Variants in LRRFIP1 observed in about 807,000 individuals in gnomAD.
LRRFIP1 encodes LRR binding FLII interacting protein 1.
Under a neutral mutation model 104.4 loss-of-function variants are expected in LRRFIP1, and 62 were observed. That is an observed-to-expected ratio of 0.59 (90% confidence interval 0.48 to 0.73). The LOEUF is 0.73. Ranked by LOEUF, LRRFIP1 falls within the 30% of genes least tolerant of loss-of-function variation. The pLI, the probability that LRRFIP1 is intolerant of heterozygous loss-of-function variation, is 0.00. For missense variants in LRRFIP1, 796 were observed against 824.5 expected, an observed-to-expected ratio of 0.97 and a Z score of 0.42; for synonymous variants, 300 against 299.0, an observed-to-expected ratio of 1.00 and a Z score of -0.03.
chr2:237,728,846 C>A (rs2094881992), intron 8 of LRRFIP1, among the ~76,000 whole-genome samples: 1 of 152,166 alleles, frequency 6.6e-6, no homozygotes, highest in Non-Finnish European at 1.5e-5. Context: ...CCAAAGCCGT[C>A]TTTAGCTTTC....
intron 11 of LRRFIP1, among the ~76,000 whole-genome samples, chr2:237,742,757 C>T (rs1014371472): frequency 1.3e-5 from 2 of 152,168 alleles, no homozygotes; most frequent in Non-Finnish European, 2.9e-5. Flanking sequence ...TAGGACTCCC[C>T]GGTCCTTCTG....
chr2:237,663,635 C>T (rs1236716981), intron 1 of LRRFIP1, among the ~76,000 whole-genome samples: 1 of 152,238 alleles, frequency 6.6e-6, no homozygotes, highest in East Asian at 1.9e-4. Context: ...AACAGCTCAG[C>T]CTTAATGGAC....
chr2:237,769,829 A>G, intron 19 of LRRFIP1, 114 bp from the exon 20 acceptor site: 1 of 800,690 alleles, frequency 1.2e-6, no homozygotes, highest in Non-Finnish European at 2.1e-6. Context: ...GTACGTGTAT[A>G]ACTACTTCCA....
In LRRFIP1 at chr2:237,629,028, C is replaced by T. The variant is rs140340547; in HGVS notation, c.96+1288C>T. Among the ~76,000 whole-genome samples, 385 of 152,306 alleles carry T rather than the reference C, an allele frequency of 2.5e-3. 1 individual carries two copies. Among genetic ancestry groups the T allele is most frequent in the African/African-American group, 8.6e-3 (359 of 41,572 alleles). ...CCAGGCCTAAGTCTCCCTGGCTCCA[C>T]GGCCCTCCATGGCATGCCCGCGCCT... On this transcript the variant is annotated intron_variant, in intron 1 of 23. Transcript: ENST00000308482.
intron 1 of LRRFIP1, among the ~76,000 whole-genome samples, chr2:237,628,045 C>A (rs990220941): frequency 2.0e-5 from 3 of 151,810 alleles, no homozygotes. Context: ...AGGAGCCGGG[C>A]GCCGCCAGCG....
intron 23 of LRRFIP1, among the ~76,000 whole-genome samples, chr2:237,777,985 A>G (rs139207859): frequency 1.3e-5 from 2 of 152,186 alleles, no homozygotes; most frequent in East Asian, 3.9e-4. Context: ...TTCTTGCTGC[A>G]TGTTCATGTA....
chr2:237,674,994 G>A lies in LRRFIP1; in HGVS notation c.97-33550G>A, dbSNP rs542498800. Among the ~76,000 whole-genome samples the A allele has an allele frequency of 4.6e-5, 7 of 152,340 alleles. No individual in the cohort carries two copies. The East Asian group carries it at 5.8e-4, about 13-fold the overall frequency. ...CCTGGGCAGTGGGAGGAGGGAGCCCGGAGCACGCTGCTTCCTGCCTGCTTC... is the reference window on the plus strand; with the variant it reads ...CCTGGGCAGTGGGAGGAGGGAGCCCAGAGCACGCTGCTTCCTGCCTGCTTC... On this transcript the variant is annotated intron_variant, in intron 1 of 23. Coordinates refer to ENST00000308482, the MANE Select transcript of LRRFIP1 (RefSeq NM_001137550.2).
At position 237,764,453 on chromosome 2, in the gene LRRFIP1, T is replaced by C; in HGVS notation, c.1459+4248T>C. 2.4e-6 allele frequency: 3 copies of C among 1,225,674 alleles called. No individual in the cohort carries two copies. In the South Asian group the frequency reaches 7.9e-5, roughly 32 times the overall value. The allele number at this position is 1,225,674 out of a possible 1,614,324, so 75.9% of individuals were successfully genotyped here. ...AAAATAGAGGCATTTACTATTTGCC[T>C]TAGGCTGATAGGAATGTGGGTTTTC... On this transcript the variant is annotated intron_variant, in intron 19 of 23. Transcript: ENST00000308482.
At chr2:237,753,074 A>T (rs950013160) in intron 14 of LRRFIP1, among the ~76,000 whole-genome samples, 6 of 152,134 alleles carry the variant, frequency 3.9e-5, no homozygotes, top group African/African-American at 1.2e-4. Flanking sequence ...GTTTGTTCTA[A>T]TGAGTGTGTC....
intron 8 of LRRFIP1, among the ~76,000 whole-genome samples, chr2:237,732,141 C>T (rs2095038496): frequency 6.6e-6 from 1 of 152,138 alleles, no homozygotes; most frequent in East Asian, 1.9e-4. Context: ...CTAGTTTTGT[C>T]AGTTGCCTGG....
chr2:237,629,657 A>G (rs113035845), intron 1 of LRRFIP1, among the ~76,000 whole-genome samples: 1 of 151,988 alleles, frequency 6.6e-6, no homozygotes, highest in African/African-American at 2.4e-5. Flanking sequence ...TTTTTAATAG[A>G]GACGGGGTTT....
intron 1 of LRRFIP1, among the ~76,000 whole-genome samples, chr2:237,657,568 C>T (rs1453991753): frequency 6.6e-6 from 1 of 152,100 alleles, no homozygotes; most frequent in Non-Finnish European, 1.5e-5. Flanking sequence ...TGGCAACATT[C>T]ACTATTAGAA....
intron 1 of LRRFIP1, among the ~76,000 whole-genome samples, chr2:237,693,720 G>C (rs1423126705): frequency 6.6e-6 from 1 of 152,206 alleles, no homozygotes; most frequent in Non-Finnish European, 1.5e-5. Context: ...GGCAGGAGGA[G>C]GATGGAGGTG....
chr2:237,692,491 C>G lies in LRRFIP1; in HGVS notation c.97-16053C>G, dbSNP rs371914123. ...CCGCGGCCGCTCAAAGCCGGGAGAT[C>G]GACTGTTTGAGCCCGGAAGCGCAGA... On this transcript the variant is annotated intron_variant, in intron 1 of 23. Coordinates refer to ENST00000308482, the MANE Select transcript of LRRFIP1 (RefSeq NM_001137550.2). 74 of 1,533,226 alleles carry G rather than the reference C, an allele frequency of 4.8e-5. 1 individual carries two copies. In the African/African-American group the frequency reaches 9.7e-4, roughly 20 times the overall value. 95.0% of individuals were successfully genotyped at this position (1,533,226 alleles called of 1,614,324 possible).
At chr2:237,733,913 GCCCC>G in intron 9 of LRRFIP1, 95 bp downstream of exon 9, 1 of 1,334,012 alleles carries the variant, frequency 7.5e-7, no homozygotes, top group African/African-American at 1.4e-5. Flanking sequence ...CCTGTTCCCA[GCCCC>G]CTGGGGGAAG....
intron 19 of LRRFIP1, chr2:237,763,349 G>T: frequency 6.2e-7 from 1 of 1,614,104 alleles, no homozygotes; most frequent in Non-Finnish European, 8.5e-7. Flanking sequence ...TGAACCCTTA[G>T]ATATGAAAGA....
chr2:237,712,768 T>C (rs538650199), intron 2 of LRRFIP1, among the ~76,000 whole-genome samples: 2 of 152,252 alleles, frequency 1.3e-5, no homozygotes, highest in African/African-American at 4.8e-5. Flanking sequence ...GCCTGGAGGA[T>C]TTGGGAAGGT....
chr2:237,670,256 T>C (rs1406751525), intron 1 of LRRFIP1, among the ~76,000 whole-genome samples: 1 of 152,196 alleles, frequency 6.6e-6, no homozygotes, highest in African/African-American at 2.4e-5. Flanking sequence ...CCCCGACACC[T>C]CGGTGTGTCC....
At chr2:237,666,924 CTTTCTTTCTTTCTTTCTTTCTT>C (rs1188242789) in intron 1 of LRRFIP1, among the ~76,000 whole-genome samples, 1 of 11,940 alleles carries the variant, frequency 8.4e-5, no homozygotes, top group East Asian at 2.4e-3. Flanking sequence ...TGCTTTCTTT[CTTTCTTTCTTTCTTTCTTTCTT>C]TTTCTTTCTT....
Sources: allele counts gnomAD v4.1 joint callset (sites outside exome capture counted in the v4.1 genomes callset), GRCh38; gene constraint gnomAD v4.1.1; transcripts MANE v1.5; gene names NCBI Gene and HGNC (gene_info 2026-07-23, HGNC 2026-07-21).